RIMS2: variants seen among roughly 807,000 people sequenced by gnomAD.
RIMS2 encodes regulating synaptic membrane exocytosis 2, also known as regulating synaptic membrane exocytosis protein 2.
In RIMS2, 59 loss-of-function variants were observed where a neutral mutation model predicts 174.4. The observed-to-expected ratio is 0.34, with a 90% CI of 0.27 to 0.42. The LOEUF is 0.42. Ranked by LOEUF, RIMS2 falls within the 10% of genes least tolerant of loss-of-function variation. RIMS2 has a pLI of 1.00. For synonymous variants in RIMS2, 606 were observed against 572.5 expected, an observed-to-expected ratio of 1.06 and a Z score of -0.84; for missense variants, 1,620 against 1,666.3, an observed-to-expected ratio of 0.97 and a Z score of 0.48.
intron 1 of RIMS2, among the ~76,000 whole-genome samples, chr8:103,518,693 G>A (rs1830190673): frequency 6.6e-6 from 1 of 152,020 alleles, no homozygotes; most frequent in Non-Finnish European, 1.5e-5. Context: ...GATCTGTAGT[G>A]AAAGGTTTTG....
intron 19 of RIMS2, among the ~76,000 whole-genome samples, chr8:104,158,109 C>T (rs1461535779): frequency 1.3e-5 from 2 of 152,178 alleles, no homozygotes; most frequent in South Asian, 2.1e-4. Context: ...CATATGTTCT[C>T]ATTGTTCAAC....
At position 104,166,127 on chromosome 8, in the gene RIMS2, C is replaced by T. The variant is rs888843681; in HGVS notation, c.3335-78789C>T. ...TGTCGCCCAGGCTGGAGTGCAGTGG[C>T]GTGATCTCGGCTCACTGCAAGCTCC... On this transcript the variant is annotated intron_variant, in intron 19 of 23. Coordinates refer to ENST00000504942, the Ensembl canonical transcript of RIMS2. 2.6e-3 allele frequency among the ~76,000 whole-genome samples: 352 copies of T among 137,728 alleles called. 5 individuals are homozygous for T. Among genetic ancestry groups the T allele is most frequent in the Non-Finnish European group, 8.5e-4 (56 of 65,844 alleles). 90.4% of individuals were successfully genotyped at this position (137,728 alleles called of 152,430 possible).
At chr8:103,688,857 C>T (rs1238020646) in intron 1 of RIMS2, among the ~76,000 whole-genome samples, 1 of 49,532 alleles carries the variant, frequency 2.0e-5, no homozygotes, top group Non-Finnish European at 3.5e-5. Context: ...TCACTGATTT[C>T]TGCTGATACG....
At chr8:103,531,510 G>C (rs1837132046) in intron 1 of RIMS2, among the ~76,000 whole-genome samples, 2 of 152,162 alleles carry the variant, frequency 1.3e-5, no homozygotes, top group South Asian at 4.1e-4. Context: ...CCTGGAGAGG[G>C]CATGGGAGCT....
At position 103,619,938 on chromosome 8, in the gene RIMS2, A is replaced by G. The variant is rs183191647; in HGVS notation, c.177-77148A>G. ...ATGAAACAAACACATAATTTTCTGT[A>G]TGATGCCAAATATTTTAACATCTAT... On this transcript the variant is annotated intron_variant, in intron 1 of 23. Coordinates refer to ENST00000504942, the Ensembl canonical transcript of RIMS2. Among the ~76,000 whole-genome samples, 4 of 152,308 alleles carry G rather than the reference A, an allele frequency of 2.6e-5. No homozygotes were observed. The East Asian group carries it at 7.7e-4, about 29-fold the overall frequency.
intron 17 of RIMS2, among the ~76,000 whole-genome samples, chr8:103,990,159 G>A (rs1045714041): frequency 4.6e-5 from 7 of 152,052 alleles, no homozygotes; most frequent in Non-Finnish European, 7.4e-5. Flanking sequence ...AATAACGAAG[G>A]AACTCAGAAG....
intron 1 of RIMS2, among the ~76,000 whole-genome samples, chr8:103,687,146 G>A (rs1195698589): frequency 6.6e-6 from 1 of 151,936 alleles, no homozygotes; most frequent in East Asian, 1.9e-4. Context: ...AGCTTGTCAA[G>A]CTATCTTTTT....
chr8:103,880,156 A>G (rs963199443), intron 3 of RIMS2, among the ~76,000 whole-genome samples: 3 of 151,708 alleles, frequency 2.0e-5, no homozygotes, highest in African/African-American at 7.2e-5. Context: ...TATACATTTT[A>G]TGGTGAAAGC....
intron 3 of RIMS2, among the ~76,000 whole-genome samples, chr8:103,823,916 C>CAT (rs911476678): frequency 2.6e-5 from 4 of 151,644 alleles, no homozygotes; most frequent in Non-Finnish European, 5.9e-5. Context: ...ATTTTATGTA[C>CAT]ATATATATAT....
intron 4 of RIMS2, among the ~76,000 whole-genome samples, chr8:103,891,159 A>AT (rs886412453): frequency 2.6e-5 from 4 of 152,038 alleles, no homozygotes; most frequent in Admixed American, 6.6e-5. Context: ...CATAACCATC[A>AT]TTTTTTTAAA....
At chr8:103,729,632 T>G (rs2097567874) in intron 2 of RIMS2, among the ~76,000 whole-genome samples, 1 of 149,714 alleles carries the variant, frequency 6.7e-6, no homozygotes, top group African/African-American at 2.4e-5. Context: ...TTCTTTAAGA[T>G]GCACTGTTAG....
At chr8:103,927,984 A>T (rs911341619) in intron 11 of RIMS2, 2 of 896,376 alleles carry the variant, frequency 2.2e-6, no homozygotes, top group East Asian at 5.4e-5. Flanking sequence ...TTTTTTTGTT[A>T]TGTTGCTCCA....
At chr8:103,582,555 C>T (rs2093677530) in intron 1 of RIMS2, among the ~76,000 whole-genome samples, 1 of 152,152 alleles carries the variant, frequency 6.6e-6, no homozygotes. Context: ...GAGGGGAGTC[C>T]ATACCTGGAA....
At chr8:103,804,567 G>C (rs1249879114) in intron 3 of RIMS2, among the ~76,000 whole-genome samples, 1 of 152,074 alleles carries the variant, frequency 6.6e-6, no homozygotes, top group Admixed American at 6.6e-5. Flanking sequence ...TATTTTCTCT[G>C]CTCCTCCTGG....
At chr8:103,810,085 A>G (rs2098677040) in intron 3 of RIMS2, among the ~76,000 whole-genome samples, 1 of 152,200 alleles carries the variant, frequency 6.6e-6, no homozygotes, top group African/African-American at 2.4e-5. Flanking sequence ...AAGGGCAGCA[A>G]GGTAGAATCT....
At chr8:103,965,840 T>A (rs1204935787) in intron 15 of RIMS2, among the ~76,000 whole-genome samples, 1 of 151,992 alleles carries the variant, frequency 6.6e-6, no homozygotes, top group East Asian at 1.9e-4. Flanking sequence ...GTACTGGGAG[T>A]TTTTAGTAAA....
At chr8:103,502,764 A>C (rs2130799726) in intron 1 of RIMS2, among the ~76,000 whole-genome samples, 1 of 152,178 alleles carries the variant, frequency 6.6e-6, no homozygotes, top group South Asian at 2.1e-4. Context: ...CTCCAGTAAA[A>C]TGTAGTTTTA....
At chr8:103,562,936 C>T (rs1220734924) in intron 1 of RIMS2, among the ~76,000 whole-genome samples, 3 of 152,150 alleles carry the variant, frequency 2.0e-5, no homozygotes, top group Non-Finnish European at 4.4e-5. Flanking sequence ...GAAGCAACAG[C>T]CTGAGCCGTA....
intron 4 of RIMS2, among the ~76,000 whole-genome samples, chr8:103,895,071 TTTAAA>T (rs1419386020): frequency 6.6e-6 from 1 of 151,662 alleles, no homozygotes; most frequent in African/African-American, 2.4e-5. Flanking sequence ...TTCTTCAGAA[TTTAAA>T]TTACTTTGCT....
Sources: gnomAD v4.1 joint callset for allele counts (sites outside exome capture counted in the v4.1 genomes callset) on GRCh38, gnomAD v4.1.1 for gene constraint, MANE v1.5 for transcripts, NCBI Gene and HGNC (gene_info 2026-07-23, HGNC 2026-07-21) for gene names.